SAMSN1: variants seen among roughly 807,000 people sequenced by gnomAD.
SAMSN1 encodes SAM domain-containing protein SAMSN-1.
A neutral mutation model predicts 42.0 loss-of-function variants in SAMSN1; 31 were observed. That is an observed-to-expected ratio of 0.74 (90% CI 0.55 to 1.00). The LOEUF is 1.00. Among genes scored for constraint, SAMSN1 ranks in the 50% least tolerant of loss-of-function variants. The pLI, the probability that SAMSN1 is intolerant of heterozygous loss-of-function variation, is 0.00. For missense variants in SAMSN1, 464 were observed against 439.4 expected (o/e 1.06, Z -0.50); for synonymous variants, 178 against 151.9 (o/e 1.17, Z -1.26).
At chr21:14,646,942 AC>A in intron 1 of SAMSN1, among the ~76,000 whole-genome samples, 1 of 152,346 alleles carries the variant, frequency 6.6e-6, no homozygotes, top group South Asian at 2.1e-4. Flanking sequence ...AAAGCAAGAA[AC>A]TAAACCATGT....
chr21:14,556,137 C>T (rs1012054732), intron 2 of SAMSN1, among the ~76,000 whole-genome samples: 5 of 152,102 alleles, frequency 3.3e-5, no homozygotes, highest in Non-Finnish European at 7.4e-5. Context: ...ATTTCTATTT[C>T]CTTTCTATTT....
chr21:14,587,878 C>T (rs951063932), upstream of SAMSN1, among the ~76,000 whole-genome samples: 3 of 144,930 alleles, frequency 2.1e-5, no homozygotes, highest in Non-Finnish European at 4.5e-5. Flanking sequence ...GTATATCTCC[C>T]AATGCTATCC....
At chr21:14,639,778 C>T (rs894514942) in intron 2 of SAMSN1, among the ~76,000 whole-genome samples, 5 of 151,918 alleles carry the variant, frequency 3.3e-5, no homozygotes, top group African/African-American at 9.7e-5. Flanking sequence ...TTTACTTAGC[C>T]GCATGCTTGT....
intron 2 of SAMSN1, among the ~76,000 whole-genome samples, chr21:14,624,938 T>C (rs1004918308): frequency 3.3e-4 from 50 of 152,286 alleles, no homozygotes; most frequent in Non-Finnish European, 6.3e-4. Flanking sequence ...CATGATCAAG[T>C]GGGCTTTGTC....
intron 7 of SAMSN1, among the ~76,000 whole-genome samples, chr21:14,494,708 C>CA (rs113601795): frequency 0.015 from 1,603 of 107,582 alleles, 14 homozygotes; most frequent in African/African-American, 0.026. Context: ...AAGTACAATA[C>CA]AAAAAAAAAA....
At chr21:14,619,879 T>G (rs1376825492) in intron 2 of SAMSN1, among the ~76,000 whole-genome samples, 1 of 151,950 alleles carries the variant, frequency 6.6e-6, no homozygotes, top group East Asian at 1.9e-4. Context: ...GCCTGTTTGT[T>G]CAGCTTCCTC....
At chr21:14,556,190 A>T (rs1980756717) in intron 2 of SAMSN1, among the ~76,000 whole-genome samples, 1 of 152,170 alleles carries the variant, frequency 6.6e-6, no homozygotes, top group Non-Finnish European at 1.5e-5. Context: ...GAGTGACCAG[A>T]TTATTTTTCA....
chr21:14,510,931 T>A (rs553637479), intron 4 of SAMSN1, among the ~76,000 whole-genome samples: 15 of 152,336 alleles, frequency 9.8e-5, no homozygotes, highest in African/African-American at 3.6e-4. Flanking sequence ...CATCCCCATG[T>A]GGTTTGAAAC....
intron 6 of SAMSN1, among the ~76,000 whole-genome samples, chr21:14,600,945 G>C (rs988260594): frequency 5.3e-5 from 8 of 152,162 alleles, no homozygotes; most frequent in Non-Finnish European, 8.8e-5. Context: ...ATTTTTGAAA[G>C]TATGTCTTAA....
chr21:14,498,154 G>C (rs890816625), intron 7 of SAMSN1, among the ~76,000 whole-genome samples: 1 of 152,162 alleles, frequency 6.6e-6, no homozygotes, highest in Non-Finnish European at 1.5e-5. Context: ...CTCAGTCTTT[G>C]GGAATGCAGG....
chr21:14,636,097 T>A (rs1244628814), intron 2 of SAMSN1, among the ~76,000 whole-genome samples: 1 of 152,138 alleles, frequency 6.6e-6, no homozygotes, highest in African/African-American at 2.4e-5. Context: ...TTTTTATTCA[T>A]ATTCTATTGC....
Position 14,640,973 on chromosome 21 carries a change from G to A in SAMSN1, c.156+2029C>T, listed in dbSNP as rs540618387. Among the ~76,000 whole-genome samples, 96 of 149,826 alleles carry A rather than the reference G, an allele frequency of 6.4e-4. 2 individuals are homozygous for A. Among genetic ancestry groups the A allele is most frequent in the South Asian group, 6.2e-3 (29 of 4,686 alleles). On this transcript the variant is annotated intron_variant, in intron 2 of 15. Transcript: ENST00000647101. ...TGAAAAAATTTTAGTCGACTAGTTG[G>A]CCATGAAATGGTTTGGTTTTTATGC...
intron 2 of SAMSN1, among the ~76,000 whole-genome samples, chr21:14,638,882 T>C (rs1983529307): frequency 1.3e-5 from 2 of 152,202 alleles, no homozygotes; most frequent in Non-Finnish European, 2.9e-5. Context: ...AATCCAAAGC[T>C]GACAATTTTA....
intron 7 of SAMSN1, among the ~76,000 whole-genome samples, chr21:14,491,907 C>T (rs1986703015): frequency 6.6e-6 from 1 of 152,176 alleles, no homozygotes; most frequent in Admixed American, 6.5e-5. Flanking sequence ...AATAGGAATA[C>T]TGTGCATATT....
At chr21:14,505,052 G>T (rs1040810236) in intron 5 of SAMSN1, among the ~76,000 whole-genome samples, 2 of 152,166 alleles carry the variant, frequency 1.3e-5, no homozygotes, top group Admixed American at 1.3e-4. Flanking sequence ...CAAATGTTGA[G>T]AGAATTTGTC....
intron 2 of SAMSN1, among the ~76,000 whole-genome samples, chr21:14,558,635 C>T (rs1447010324): frequency 6.6e-6 from 1 of 152,056 alleles, no homozygotes; most frequent in Non-Finnish European, 1.5e-5. Context: ...GAGCCGACAT[C>T]TCATCACTGC....
intron 1 of SAMSN1, among the ~76,000 whole-genome samples, chr21:14,650,599 A>G (rs1056753128): frequency 4.6e-5 from 7 of 152,130 alleles, no homozygotes; most frequent in African/African-American, 1.7e-4. Context: ...CTGCAAATGA[A>G]CAACCCAACA....
intron 2 of SAMSN1, among the ~76,000 whole-genome samples, chr21:14,579,747 G>A (rs866091660): frequency 8.0e-5 from 12 of 149,646 alleles, no homozygotes; most frequent in African/African-American, 3.0e-4. Context: ...CTCCCAAAGT[G>A]CTGGGATTAA....
intron 5 of SAMSN1, among the ~76,000 whole-genome samples, chr21:14,502,746 T>C (rs188524284): frequency 6.6e-6 from 1 of 152,294 alleles, no homozygotes; most frequent in African/African-American, 2.4e-5. Flanking sequence ...CATCAGATCA[T>C]TCCATATACA....
Sources: gnomAD v4.1 joint callset for allele counts (sites outside exome capture counted in the v4.1 genomes callset) on GRCh38, gnomAD v4.1.1 for gene constraint, MANE v1.5 for transcripts, NCBI Gene and HGNC (gene_info 2026-07-23, HGNC 2026-07-21) for gene names.